Variants in FHIT observed in about 807,000 individuals in gnomAD.
FHIT encodes bis(5'-adenosyl)-triphosphatase.
FHIT carries 19 observed loss-of-function variants against 17.9 expected under a neutral mutation model. That is an observed-to-expected ratio of 1.06 (90% CI 0.74 to 1.56). The LOEUF (loss-of-function observed/expected upper bound fraction) is 1.56, where lower values mean the gene tolerates loss of function less well. Ranked by LOEUF, FHIT falls within the 40% of genes most tolerant of loss-of-function variation. The pLI, the probability that FHIT is intolerant of heterozygous loss-of-function variation, is 0.00. For synonymous variants in FHIT, 81 were observed against 69.7 expected (o/e 1.16, Z -0.81); for missense variants, 248 against 189.2 (o/e 1.31, Z -1.82).
At chr3:60,695,867 G>T (rs2041103139) in intron 4 of FHIT, among the ~76,000 whole-genome samples, 1 of 152,166 alleles carries the variant, frequency 6.6e-6, no homozygotes, top group Non-Finnish European at 1.5e-5. Context: ...GAGAATTAAA[G>T]AGTTAATATT....
At chr3:60,552,164 C>T (rs1335146735) in intron 4 of FHIT, among the ~76,000 whole-genome samples, 1 of 152,086 alleles carries the variant, frequency 6.6e-6, no homozygotes, top group Non-Finnish European at 1.5e-5. Flanking sequence ...TGTATTCATC[C>T]TTTATTCCTT....
chr3:60,593,413 A>G (rs1023096491), intron 4 of FHIT, among the ~76,000 whole-genome samples: 9 of 152,112 alleles, frequency 5.9e-5, no homozygotes, highest in African/African-American at 2.2e-4. Context: ...ATCACTGAAG[A>G]AAGGTATTTG....
At chr3:60,383,631 C>A (rs1700894670) in intron 5 of FHIT, among the ~76,000 whole-genome samples, 1 of 151,736 alleles carries the variant, frequency 6.6e-6, no homozygotes, top group Non-Finnish European at 1.5e-5. Flanking sequence ...AATGATTATT[C>A]CAGGACTTCT....
At chr3:61,059,372 C>CTTTTTTTTTTTTTT (rs201797361) in intron 2 of FHIT, among the ~76,000 whole-genome samples, 1 of 113,282 alleles carries the variant, frequency 8.8e-6, no homozygotes, top group African/African-American at 3.3e-5. Context: ...TTGCTTTTTC[C>CTTTTTTTTTTTTTT]TTTTTTTTTT....
intron 5 of FHIT, among the ~76,000 whole-genome samples, chr3:60,375,468 A>AG (rs1251612058): frequency 1.3e-5 from 2 of 151,904 alleles, no homozygotes; most frequent in Admixed American, 1.3e-4. Flanking sequence ...CCAGCTATTC[A>AG]GGAGGCTGAG....
intron 5 of FHIT, among the ~76,000 whole-genome samples, chr3:60,237,857 C>T (rs981678102): frequency 6.6e-6 from 1 of 151,978 alleles, no homozygotes; most frequent in Non-Finnish European, 1.5e-5. Context: ...ATTTGTGGGC[C>T]GGGCATGGTG....
chr3:59,960,099 C>A (rs1352364391), intron 7 of FHIT, among the ~76,000 whole-genome samples: 5 of 151,958 alleles, frequency 3.3e-5, no homozygotes, highest in African/African-American at 7.3e-5. Flanking sequence ...CAGTGGAAAC[C>A]ACTGAAAAAT....
chr3:61,230,566 G>A (rs894958797), intron 1 of FHIT, among the ~76,000 whole-genome samples: 2 of 152,002 alleles, frequency 1.3e-5, no homozygotes, highest in Non-Finnish European at 2.9e-5. Context: ...ATGCAAGAAT[G>A]GCCTAATATC....
intron 1 of FHIT, among the ~76,000 whole-genome samples, chr3:61,224,982 G>A (rs2039933368): frequency 6.6e-6 from 1 of 152,138 alleles, no homozygotes; most frequent in Non-Finnish European, 1.5e-5. Flanking sequence ...GTAACACACT[G>A]AGGAAAGGGC....
intron 4 of FHIT, among the ~76,000 whole-genome samples, chr3:60,736,365 C>T (rs1017132436): frequency 6.0e-5 from 9 of 151,064 alleles, no homozygotes; most frequent in Non-Finnish European, 1.2e-4. Context: ...TTATTCTTAA[C>T]AGCCAAAATG....
rs149596320 is a variant in FHIT at position 60,952,173 on chromosome 3, C to CA, written c.-111+89873_-111+89874insT. 2.4e-3 allele frequency among the ~76,000 whole-genome samples: 324 copies of CA among 135,018 alleles called. 4 individuals are homozygous for CA. Among genetic ancestry groups the CA allele is most frequent in the African/African-American group, 8.9e-3 (297 of 33,338 alleles). 88.6% of individuals were successfully genotyped at this position (135,018 alleles called of 152,430 possible). ...GAGCAAAACTCCGTCCTCCCCACCC[C>CA]CCCCCCAAAAAAAAAAAAGAGATTC... On this transcript the variant is annotated intron_variant, in intron 3 of 9. Transcript: ENST00000492590.
intron 4 of FHIT, among the ~76,000 whole-genome samples, chr3:60,626,422 T>C (rs377295530): frequency 1.3e-5 from 2 of 152,288 alleles, no homozygotes; most frequent in East Asian, 3.9e-4. Context: ...AGAGTTTATA[T>C]TTTTTGTTGC....
chr3:59,772,550 G>A (rs1702120409), intron 8 of FHIT, among the ~76,000 whole-genome samples: 1 of 152,174 alleles, frequency 6.6e-6, no homozygotes, highest in Non-Finnish European at 1.5e-5. Flanking sequence ...CGGGGAACTG[G>A]CCCAGGTAGG....
intron 5 of FHIT, among the ~76,000 whole-genome samples, chr3:60,325,368 T>C (rs185379234): frequency 1.9e-3 from 295 of 152,260 alleles, no homozygotes; most frequent in Non-Finnish European, 3.5e-3. Context: ...GCAGTATGAG[T>C]ATTAGAGTTT....
intron 5 of FHIT, among the ~76,000 whole-genome samples, chr3:60,286,597 G>A (rs1707741756): frequency 6.6e-6 from 1 of 152,136 alleles, no homozygotes; most frequent in Non-Finnish European, 1.5e-5. Context: ...CTCAAACAGA[G>A]TGGCCTCTGA....
chr3:60,704,609 C>A (rs1553703014), intron 4 of FHIT, among the ~76,000 whole-genome samples: 1 of 152,060 alleles, frequency 6.6e-6, no homozygotes, highest in Non-Finnish European at 1.5e-5. Flanking sequence ...CAGAAAGAGA[C>A]AGAAAAACAA....
intron 4 of FHIT, among the ~76,000 whole-genome samples, chr3:60,626,783 C>CTTTTTTTTTTTTTTTTT (rs71627548): frequency 2.3e-5 from 2 of 85,942 alleles, no homozygotes; most frequent in African/African-American, 6.9e-5. Context: ...GGGGAAAACA[C>CTTTTTTTTTTTTTTTTT]TCTTTTTTTT....
intron 2 of FHIT, among the ~76,000 whole-genome samples, chr3:61,057,983 A>T (rs1472095116): frequency 6.6e-6 from 1 of 152,146 alleles, no homozygotes; most frequent in African/African-American, 2.4e-5. Context: ...CTGAAATCAA[A>T]CTGGGTAGAG....
At chr3:60,573,695 T>C (rs1208007909) in intron 4 of FHIT, among the ~76,000 whole-genome samples, 2 of 152,058 alleles carry the variant, frequency 1.3e-5, no homozygotes, top group Non-Finnish European at 2.9e-5. Context: ...TGGGTGAGAG[T>C]GATGAGTCAA....
Sources: gnomAD v4.1 joint callset for allele counts (sites outside exome capture counted in the v4.1 genomes callset) on GRCh38, gnomAD v4.1.1 for gene constraint, MANE v1.5 for transcripts, NCBI Gene and HGNC (gene_info 2026-07-23, HGNC 2026-07-21) for gene names.